Variants in FOCAD observed in about 807,000 individuals in gnomAD.
The protein encoded by FOCAD is KIAA1797.
Under a neutral mutation model 225.6 loss-of-function variants are expected in FOCAD, and 198 were observed. That is an observed-to-expected ratio of 0.88 (90% CI 0.78 to 0.99). The LOEUF is 0.99. FOCAD is among the 50% of genes least tolerant of loss of function. The pLI is 0.00. For synonymous variants in FOCAD, 897 were observed against 755.0 expected (o/e 1.19, Z -3.08); for missense variants, 2,713 against 2,123.6 (o/e 1.28, Z -5.46).
chr9:20,964,409 A>G (rs1564212284), intron 35 of FOCAD, among the ~76,000 whole-genome samples: 1 of 152,152 alleles, frequency 6.6e-6, no homozygotes, highest in African/African-American at 2.4e-5. Flanking sequence ...AGAAAAAATA[A>G]TAATAATAGC....
intron 15 of FOCAD, among the ~76,000 whole-genome samples, chr9:20,824,810 TA>T (rs1824698746): frequency 6.6e-6 from 1 of 152,114 alleles, no homozygotes; most frequent in African/African-American, 2.4e-5. Context: ...TTCATTTTAT[TA>T]GAAAAAGAAT....
At chr9:20,975,818 AAAAAAGT>A (rs1840177107) in intron 35 of FOCAD, among the ~76,000 whole-genome samples, 1 of 152,304 alleles carries the variant, frequency 6.6e-6, no homozygotes, top group South Asian at 2.1e-4. Flanking sequence ...TGTGGAAGCT[AAAAAAGT>A]TGATCTCATA....
chr9:20,777,815 T>G (rs1477791343), intron 8 of FOCAD, among the ~76,000 whole-genome samples: 1 of 152,190 alleles, frequency 6.6e-6, no homozygotes, highest in African/African-American at 2.4e-5. Context: ...AAAGATTGAC[T>G]GTTTAGGCCG....
At chr9:20,946,127 A>G (rs1235475831) in intron 29 of FOCAD, among the ~76,000 whole-genome samples, 1 of 151,434 alleles carries the variant, frequency 6.6e-6, no homozygotes, top group Non-Finnish European at 1.5e-5. Context: ...ATTCATCAAC[A>G]TATTAAGTTC....
chr9:20,911,805 C>G (rs542977087), intron 22 of FOCAD, among the ~76,000 whole-genome samples: 1 of 152,240 alleles, frequency 6.6e-6, no homozygotes, highest in African/African-American at 2.4e-5. Context: ...TATCACTTTT[C>G]TAAGTATGGA....
In FOCAD at chr9:20,993,265, C is replaced by G. The variant is rs193279454; in HGVS notation, c.5269C>G (p.Leu1757Val). ...ATTTTTACCCTAGTTCATTGACTGG[C>G]TATTCAGCATCATGGAAAGCCCTAA... ...KEQTQKFIDWLFSIMESPKEA... is the reference protein window; with the variant it reads ...KEQTQKFIDWVFSIMESPKEA... The change falls in exon 43 of 44, where the codon CTA becomes GTA. Residue 1757 changes from leucine (L) to valine (V), a missense_variant. By Grantham distance (32) the Leu-to-Val change is conservative. Coordinates refer to ENST00000338382, the MANE Select transcript of FOCAD (RefSeq NM_001375567.1). 3 of 1,613,668 alleles carry G rather than the reference C, an allele frequency of 1.9e-6. No individual in the cohort carries two copies. The highest frequency in any genetic ancestry group is 2.7e-5 in the African/African-American group (2 of 75,028).
chr9:20,818,527 GT>G (rs1823977552), intron 11 of FOCAD, among the ~76,000 whole-genome samples: 1 of 151,916 alleles, frequency 6.6e-6, no homozygotes. Flanking sequence ...TCCATTTTGA[GT>G]TAATTTTTAC....
rs2383156 is a variant in FOCAD, at chr9:20,885,241, G to T, written c.2625+11G>T. 2.7e-6 allele frequency: 4 copies of T among 1,469,494 alleles called. No homozygotes were observed. The highest frequency in any genetic ancestry group is 2.7e-6 in the Non-Finnish European group (3 of 1,107,548). The allele number at this position is 1,469,494 out of a possible 1,614,324, so 91.0% of individuals were successfully genotyped here. ...GCTCTTGTACATGAGGTAGGTTCCCGTGTCCTCTTCTTTATGTTTTAGTGT... is the reference window on the plus strand; with the variant it reads ...GCTCTTGTACATGAGGTAGGTTCCCTTGTCCTCTTCTTTATGTTTTAGTGT... On this transcript the variant is annotated intron_variant, in intron 21 of 43. Coordinates refer to ENST00000338382, the MANE Select transcript of FOCAD (RefSeq NM_001375567.1).
intron 15 of FOCAD, 88 bp downstream of exon 15, chr9:20,823,203 T>A: frequency 7.2e-7 from 1 of 1,383,296 alleles, no homozygotes; most frequent in Non-Finnish European, 9.7e-7. Flanking sequence ...TAGATTCAAA[T>A]AACTGAAGTC....
chr9:20,819,732 A>G (rs1824113291), intron 11 of FOCAD, 64 bp from the exon 12 acceptor site: 1 of 799,148 alleles, frequency 1.3e-6, no homozygotes. Flanking sequence ...AGAGATAAAT[A>G]TTCCATTATA....
At chr9:20,706,691 G>A (rs1393206286) in intron 1 of FOCAD, among the ~76,000 whole-genome samples, 1 of 152,174 alleles carries the variant, frequency 6.6e-6, no homozygotes, top group Non-Finnish European at 1.5e-5. Context: ...AAAATATGTA[G>A]GGAGGGAGAT....
intron 19 of FOCAD, among the ~76,000 whole-genome samples, chr9:20,877,507 G>C (rs1830324483): frequency 6.6e-6 from 1 of 151,996 alleles, no homozygotes; most frequent in Non-Finnish European, 1.5e-5. Context: ...TCATAAACAG[G>C]TATACTAACA....
At chr9:20,916,188 T>C (rs1227195250) in intron 23 of FOCAD, among the ~76,000 whole-genome samples, 1 of 152,162 alleles carries the variant, frequency 6.6e-6, no homozygotes, top group Non-Finnish European at 1.5e-5. Context: ...ATTCAATGTT[T>C]ATATTGAAAA....
chr9:20,696,990 T>C (rs1164859842), intron 1 of FOCAD, among the ~76,000 whole-genome samples: 1 of 152,108 alleles, frequency 6.6e-6, no homozygotes, highest in Non-Finnish European at 1.5e-5. Context: ...ACAAAGACCC[T>C]CCACGGATGT....
At chr9:20,664,216 TAAAA>T (rs1821828550) in intron 2 of FOCAD, among the ~76,000 whole-genome samples, 1 of 151,232 alleles carries the variant, frequency 6.6e-6, no homozygotes, top group Non-Finnish European at 1.5e-5. Flanking sequence ...CATATATAAA[TAAAA>T]AATAGTTTAT....
intron 5 of FOCAD, among the ~76,000 whole-genome samples, chr9:20,747,916 A>AT (rs1349370838): frequency 2.7e-5 from 4 of 150,070 alleles, no homozygotes; most frequent in South Asian, 4.2e-4. Context: ...TAGTTTAGTT[A>AT]TTGTTTTTCA....
At chr9:20,746,367 T>C (rs1828037447) in intron 5 of FOCAD, among the ~76,000 whole-genome samples, 1 of 152,062 alleles carries the variant, frequency 6.6e-6, no homozygotes, top group South Asian at 2.1e-4. Flanking sequence ...GGCCGGGACA[T>C]TGGCTCAGGA....
intron 43 of FOCAD, among the ~76,000 whole-genome samples, chr9:20,993,895 T>C (rs1255213187): frequency 6.6e-6 from 1 of 152,200 alleles, no homozygotes; most frequent in South Asian, 2.1e-4. Flanking sequence ...ATTCTTTTAA[T>C]TAAAATTCAG....
In FOCAD at chr9:20,817,737, C is replaced by G. The variant is rs1038914551; in HGVS notation, c.1456-2059C>G. On this transcript the variant is annotated intron_variant, in intron 11 of 43. Coordinates refer to ENST00000338382, the MANE Select transcript of FOCAD (RefSeq NM_001375567.1). ...ATCAGTACTTTATTTATTTTTATGGCTGAATAATATCCCATTTTATGGTTA... is the reference window on the plus strand; with the variant it reads ...ATCAGTACTTTATTTATTTTTATGGGTGAATAATATCCCATTTTATGGTTA... Among the ~76,000 whole-genome samples, 13 of 151,946 alleles carry G rather than the reference C, an allele frequency of 8.6e-5. 1 individual carries two copies. The South Asian group carries it at 2.5e-3, about 29-fold the overall frequency.
Sources: gnomAD v4.1 joint callset for allele counts (sites outside exome capture counted in the v4.1 genomes callset) on GRCh38, gnomAD v4.1.1 for gene constraint, MANE v1.5 for transcripts, NCBI Gene and HGNC (gene_info 2026-07-23, HGNC 2026-07-21) for gene names.